Variants in MAP10 observed in about 807,000 individuals in gnomAD.
MAP10 encodes microtubule associated protein 10.
Under a neutral mutation model 6.3 loss-of-function variants are expected in MAP10, and 10 were observed. The observed-to-expected ratio is 1.58, with a 90% CI of 0.98 to 2.69. MAP10 has a LOEUF of 2.69. Ranked by LOEUF, MAP10 falls within the 30% of genes most tolerant of loss-of-function variation. MAP10 has a pLI of 0.00. For synonymous variants in MAP10, 459 were observed against 429.3 expected (o/e 1.07, Z -0.86); for missense variants, 1,189 against 1,086.5 (o/e 1.09, Z -1.33).
Position 232,807,695 on chromosome 1 carries a change from T to G in MAP10, c.2246T>G (p.Val749Gly). Reference sequence around the variant, plus strand: ...ACAAGCAAGTCTAGTGACACAGGAGTGTCCAAAAAGAAAAATAGTAGTGAC... The same window carrying G: ...ACAAGCAAGTCTAGTGACACAGGAGGGTCCAAAAAGAAAAATAGTAGTGAC... Reference protein sequence around the residue: ...QYTSKSSDTGVSKKKNSSDRS... With the variant: ...QYTSKSSDTGGSKKKNSSDRS... The change falls in exon 1 of 1, where the codon GTG becomes GGG. Residue 749 changes from valine (V) to glycine (G), a missense_variant. Physicochemically the swap from Val to Gly is moderately radical, Grantham distance 109 (BLOSUM62 -3). Coordinates refer to ENST00000418460, the MANE Select transcript of MAP10 (RefSeq NM_019090.3). 1.2e-6 allele frequency: 2 copies of G among 1,613,176 alleles called. No homozygotes were observed. The highest frequency in any genetic ancestry group is 1.7e-6 in the Non-Finnish European group (2 of 1,179,568).
rs761734056 is a variant in MAP10, at chr1:232,805,985, A to G, written c.536A>G (p.Tyr179Cys). Reference sequence around the variant, plus strand: ...CGGACTGGGGACATTGCACTGGCCTACCGCCTGACTGACCTGGGAAGCCGC... The same window carrying G: ...CGGACTGGGGACATTGCACTGGCCTGCCGCCTGACTGACCTGGGAAGCCGC... Reference protein sequence around the residue: ...GERTGDIALAYRLTDLGSRLL... With the variant: ...GERTGDIALACRLTDLGSRLL... The change falls in exon 1 of 1, where the codon TAC (tyrosine) becomes TGC (cysteine). Residue 179 changes from tyrosine to cysteine, a missense_variant. Tyr to Cys is a radical substitution (Grantham distance 194). Coordinates refer to ENST00000418460, the MANE Select transcript of MAP10 (RefSeq NM_019090.3). 1.2e-6 allele frequency: 2 copies of G among 1,613,580 alleles called. No individual in the cohort carries two copies. The highest frequency in any genetic ancestry group is 1.1e-5 in the South Asian group (1 of 91,048).
chr1:232,807,283 A>T lies in MAP10; in HGVS notation c.1834A>T (p.Asn612Tyr), dbSNP rs764836728. ...TVDCSKNRIN[N>Y]VSLEEVVSPA... is the part of the protein sequence containing the mutation. ...TGATTGTAGTAAAAATAGAATCAAT[A>T]ATGTTTCATTGGAAGAAGTTGTGAG... is the stretch of plus-strand genomic sequence containing the variant. Residue 612 changes from asparagine (N) to tyrosine (Y), a missense_variant, in exon 1 of 1, where the codon AAT becomes TAT. Asn to Tyr is a moderately radical substitution (Grantham distance 143, BLOSUM62 -2). Transcript: ENST00000418460. 3 of 1,613,462 alleles carry T rather than the reference A, an allele frequency of 1.9e-6. No homozygotes were observed. The highest frequency in any genetic ancestry group is 2.7e-5 in the African/African-American group (2 of 74,896).
chr1:232,808,026 G>A lies in MAP10; in HGVS notation c.2577G>A (p.Val859=). 6.2e-7 allele frequency: 1 copy of A among 1,613,398 alleles called. No homozygotes were observed. Among genetic ancestry groups the A allele is most frequent in the Non-Finnish European group, 8.5e-7 (1 of 1,179,462 alleles). ...SQVSSYLPSN[V]SELNVLDSST... ...TGAGTTCTTACCTGCCTTCAAATGT[G>A]TCCGAACTTAATGTCCTGGATAGCA... The change falls in exon 1 of 1, where the codon GTG becomes GTA. Residue 859 remains valine (V), a synonymous_variant. Coordinates refer to ENST00000418460, the MANE Select transcript of MAP10 (RefSeq NM_019090.3).
chr1:232,807,119 T>G lies in MAP10; in HGVS notation c.1670T>G (p.Leu557Arg), dbSNP rs1558361713. 1.2e-6 allele frequency: 2 copies of G among 1,611,842 alleles called. No individual in the cohort carries two copies. The highest frequency in any genetic ancestry group is 2.7e-5 in the African/African-American group (2 of 74,860). Residue 557 changes from leucine to arginine, a missense_variant, in exon 1 of 1, where the codon CTG (leucine) becomes CGG (arginine). By Grantham distance (102) the Leu-to-Arg change is moderately radical. Transcript: ENST00000418460. ...GCAGAACAAAGTCAGAAGCCACAAC[T>G]GCCTGAAGATAAGTATTTAGATTCA... ...SSAEQSQKPQLPEDKYLDSDA... is the reference protein window; with the variant it reads ...SSAEQSQKPQRPEDKYLDSDA...
Position 232,806,093 on chromosome 1 carries a change from G to A in MAP10, c.644G>A (p.Arg215Lys). The change falls in exon 1 of 1, where the codon AGA becomes AAA. Residue 215 changes from arginine (R) to lysine (K), a missense_variant. Physicochemically the swap from Arg to Lys is conservative, Grantham distance 26. Transcript: ENST00000418460. ...AEVSPQTQQE[R>K]QQLQQPASQP... ...GTCAGTCCCCAAACCCAGCAGGAAA[G>A]ACAGCAGCTGCAGCAGCCAGCCTCA... is the stretch of plus-strand genomic sequence containing the variant. 4 of 1,613,990 alleles carry A rather than the reference G, an allele frequency of 2.5e-6. No individual in the cohort carries two copies. The highest frequency in any genetic ancestry group is 3.4e-6 in the Non-Finnish European group (4 of 1,179,876).
chr1:232,809,399 AGAGAG>A lies in MAP10; in HGVS notation c.*1233_*1237del, dbSNP rs1050467499. Among the ~76,000 whole-genome samples, 2 of 152,044 alleles carry A rather than the reference AGAGAG, an allele frequency of 1.3e-5. No individual in the cohort carries two copies. The highest frequency in any genetic ancestry group is 4.8e-5 in the African/African-American group (2 of 41,448). Reference sequence around the variant, plus strand: ...ACTAGAATATAGATAGATGGTAAAAAGAGAGAAGAGGATGTTACATTTTGGGGAGC... The same window carrying A: ...ACTAGAATATAGATAGATGGTAAAAAAAGAGGATGTTACATTTTGGGGAGC... On this transcript the variant is annotated 3_prime_UTR_variant, in exon 1 of 1. Coordinates refer to ENST00000418460, the MANE Select transcript of MAP10 (RefSeq NM_019090.3).
chr1:232,807,340 AC>A, the MAP10 span: 1 of 1,613,908 alleles, frequency 6.2e-7, no homozygotes, highest in Non-Finnish European at 8.5e-7. Context: ...AGAAAGGCTT[AC>A]CCCTACAAAT....
rs149142083 is a variant in MAP10 at position 232,807,651 on chromosome 1, T to C, written c.2202T>C (p.Asn734=). The change falls in exon 1 of 1, where the codon AAT becomes AAC. Residue 734 remains asparagine (N), a synonymous_variant. Coordinates refer to ENST00000418460, the MANE Select transcript of MAP10 (RefSeq NM_019090.3). ...KAHDSSSRTE[N]PKHSQYTSKS... ...ATGATAGCAGTTCAAGGACAGAAAA[T>C]CCAAAACATAGTCAATATACAAGCA... 450 of 1,611,144 alleles carry C rather than the reference T, an allele frequency of 2.8e-4. 4 individuals carry two copies. In the South Asian group the frequency reaches 3.4e-3, roughly 12 times the overall value.
At chr1:232,807,475 A>AT in the MAP10 span, 63 of 1,613,744 alleles carry the variant, frequency 3.9e-5, no homozygotes, top group Non-Finnish European at 5.3e-5. Flanking sequence ...AGATAATGAC[A>AT]TTCTTATGGC....
chr1:232,806,973 G>A lies in MAP10; in HGVS notation c.1524G>A (p.Lys508=). The A allele has an allele frequency of 6.2e-7, 1 of 1,612,750 alleles. No homozygotes were observed. Among genetic ancestry groups the A allele is most frequent in the Middle Eastern group, 1.7e-4 (1 of 6,056 alleles). ...GLTNTLRLRL[K]LTNPDMLVVH... ...CAAATACACTAAGACTACGTTTAAA[G>A]CTGACAAATCCTGATATGTTGGTGG... is the stretch of plus-strand genomic sequence containing the variant. Residue 508 remains lysine, a synonymous_variant, in exon 1 of 1, where the codon AAG becomes AAA. Transcript: ENST00000418460.
At position 232,807,481 on chromosome 1, in the gene MAP10, A is replaced by G; in HGVS notation, c.2032A>G (p.Met678Val). 1.2e-6 allele frequency: 2 copies of G among 1,613,826 alleles called. No homozygotes were observed. Among genetic ancestry groups the G allele is most frequent in the Non-Finnish European group, 1.7e-6 (2 of 1,179,770 alleles). Residue 678 changes from methionine (M) to valine (V), a missense_variant, in exon 1 of 1, where the codon ATG (methionine) becomes GTG (valine). By Grantham distance (21) the Met-to-Val change is conservative (BLOSUM62 1). Coordinates refer to ENST00000418460, the MANE Select transcript of MAP10 (RefSeq NM_019090.3). ...CAAAACCACAGATAATGACATTCTT[A>G]TGGCTGATATAAGTGACAAGAGAAC... ...QVKTTDNDIL[M>V]ADISDKRTGK...
chr1:232,806,877 TA>T, the MAP10 span: 1 of 1,610,438 alleles, frequency 6.2e-7, no homozygotes, highest in Non-Finnish European at 8.5e-7. Context: ...ATAAGGAAGA[TA>T]AATATTCTGA....
chr1:232,806,652 G>C lies in MAP10; in HGVS notation c.1203G>C (p.Leu401Phe). 6.2e-7 allele frequency: 1 copy of C among 1,613,916 alleles called. No individual in the cohort carries two copies. Among genetic ancestry groups the C allele is most frequent in the Non-Finnish European group, 8.5e-7 (1 of 1,179,872 alleles). Residue 401 changes from leucine (L) to phenylalanine (F), a missense_variant, in exon 1 of 1, where the codon TTG becomes TTC. Physicochemically the swap from Leu to Phe is conservative, Grantham distance 22 (BLOSUM62 0). Transcript: ENST00000418460. ...TIRQLPLLNALLVELSLLYDQ... is the reference protein window; with the variant it reads ...TIRQLPLLNAFLVELSLLYDQ... The stretch of plus-strand genomic sequence containing the variant: ...GGCAGTTGCCTTTGTTAAATGCTTT[G>C]TTAGTTGAGTTGTCCTTGTTATATG...
rs186188102 is a variant in MAP10 at position 232,806,098 on chromosome 1, C to A, written c.649C>A (p.Gln217Lys). 151 of 1,613,960 alleles carry A rather than the reference C, an allele frequency of 9.4e-5. No homozygotes were observed. The African/African-American group carries it at 1.9e-3, about 21-fold the overall frequency. The change falls in exon 1 of 1, where the codon CAG (glutamine) becomes AAG (lysine). Residue 217 changes from glutamine (Q) to lysine (K), a missense_variant. Physicochemically the swap from Gln to Lys is moderately conservative, Grantham distance 53. Coordinates refer to ENST00000418460, the MANE Select transcript of MAP10 (RefSeq NM_019090.3). ...VSPQTQQERQ[Q>K]LQQPASQPSP... ...TCCCCAAACCCAGCAGGAAAGACAG[C>A]AGCTGCAGCAGCCAGCCTCACAGCC...
Position 232,805,748 on chromosome 1 carries a change from A to G in MAP10, c.299A>G (p.Gln100Arg), listed in dbSNP as rs1187228853. ...GRGKSCLFRLQPATLHCRLLR... is the reference protein window; with the variant it reads ...GRGKSCLFRLRPATLHCRLLR... ...GGCAAGTCCTGCCTCTTCCGCCTGC[A>G]GCCTGCTACCCTGCACTGCCGGCTC... Residue 100 changes from glutamine to arginine, a missense_variant, in exon 1 of 1, where the codon CAG (glutamine) becomes CGG (arginine). Gln to Arg is a conservative substitution (Grantham distance 43, BLOSUM62 1). Coordinates refer to ENST00000418460, the MANE Select transcript of MAP10 (RefSeq NM_019090.3). The G allele has an allele frequency of 6.2e-7, 1 of 1,605,398 alleles. No homozygotes were observed. Among genetic ancestry groups the G allele is most frequent in the Non-Finnish European group, 8.5e-7 (1 of 1,179,028 alleles).
Position 232,807,560 on chromosome 1 carries a change from T to G in MAP10, c.2111T>G (p.Leu704Trp), listed in dbSNP as rs753745612. Residue 704 changes from leucine to tryptophan, a missense_variant, in exon 1 of 1, where the codon TTG becomes TGG. Transcript: ENST00000418460. ...NISELKYSDDLSSPCYSEDFC... is the reference protein window; with the variant it reads ...NISELKYSDDWSSPCYSEDFC... ...TCAGAACTGAAGTATTCAGATGATT[T>G]GTCTAGCCCTTGCTATTCTGAAGAT... is the stretch of plus-strand genomic sequence containing the variant. 8 of 1,612,664 alleles carry G rather than the reference T, an allele frequency of 5.0e-6. No homozygotes were observed. The South Asian group carries it at 7.7e-5, about 16-fold the overall frequency.
Position 232,806,551 on chromosome 1 carries a change from A to G in MAP10, c.1102A>G (p.Asn368Asp). 1 of 1,613,982 alleles carries G rather than the reference A, an allele frequency of 6.2e-7. No individual in the cohort carries two copies. Among genetic ancestry groups the G allele is most frequent in the South Asian group, 1.1e-5 (1 of 91,080 alleles). The change falls in exon 1 of 1, where the codon AAT becomes GAT. Residue 368 changes from asparagine (N) to aspartate (D), a missense_variant. Asn to Asp is a conservative substitution (Grantham distance 23). Transcript: ENST00000418460. The part of the protein sequence containing the change: ...AAHEHPPMLV[N>D]PPHIQNIGAT... ...ACACGAACATCCTCCAATGCTTGTAAATCCTCCACATATTCAGAATATAGG... is the reference window on the plus strand; with the variant it reads ...ACACGAACATCCTCCAATGCTTGTAGATCCTCCACATATTCAGAATATAGG...
chr1:232,807,477 T>C lies in MAP10; in HGVS notation c.2028T>C (p.Ile676=), dbSNP rs1248184371. The C allele has an allele frequency of 6.2e-7, 1 of 1,613,716 alleles. No individual in the cohort carries two copies. Among genetic ancestry groups the C allele is most frequent in the Non-Finnish European group, 8.5e-7 (1 of 1,179,798 alleles). The change falls in exon 1 of 1, where the codon ATT becomes ATC. Residue 676 remains isoleucine, a synonymous_variant. Coordinates refer to ENST00000418460, the MANE Select transcript of MAP10 (RefSeq NM_019090.3). ...IRQVKTTDND[I]LMADISDKRT... The stretch of plus-strand genomic sequence containing the variant: ...AGGTCAAAACCACAGATAATGACAT[T>C]CTTATGGCTGATATAAGTGACAAGA...
chr1:232,805,597 C>T lies in MAP10; in HGVS notation c.148C>T (p.Pro50Ser). 2 of 1,558,140 alleles carry T rather than the reference C, an allele frequency of 1.3e-6. No homozygotes were observed. Among genetic ancestry groups the T allele is most frequent in the Non-Finnish European group, 1.7e-6 (2 of 1,153,636 alleles). Reference protein sequence around the residue: ...EEKEQGEASSPRGLCPAVAFR... With the variant: ...EEKEQGEASSSRGLCPAVAFR... ...AAAGGAGCAGGGGGAGGCCTCGTCG[C>T]CGCGCGGTCTGTGCCCCGCCGTGGC... The change falls in exon 1 of 1, where the codon CCG (proline) becomes TCG (serine). Residue 50 changes from proline (P) to serine (S), a missense_variant. Transcript: ENST00000418460.
Sources: allele counts gnomAD v4.1 joint callset (sites outside exome capture counted in the v4.1 genomes callset), GRCh38; gene constraint gnomAD v4.1.1; transcripts MANE v1.5; gene names NCBI Gene and HGNC (gene_info 2026-07-23, HGNC 2026-07-21).